GRK5: variants seen among roughly 807,000 people sequenced by gnomAD.
GRK5 encodes g protein-coupled receptor kinase GRK5.
In GRK5, 40 loss-of-function variants were observed where a neutral mutation model predicts 78.4. The ratio of observed to expected loss-of-function variants is 0.51; its 90% CI spans 0.40 to 0.66. The LOEUF (loss-of-function observed/expected upper bound fraction) is 0.66. Ranked by LOEUF, GRK5 falls within the 30% of genes least tolerant of loss-of-function variation. The pLI, the probability that GRK5 is intolerant of heterozygous loss-of-function variation, is 0.00. For missense variants in GRK5, 598 were observed against 759.9 expected, an observed-to-expected ratio of 0.79 and a Z score of 2.50; for synonymous variants, 289 against 296.8, an observed-to-expected ratio of 0.97 and a Z score of 0.27.
At chr10:119,366,052 G>A (rs1851444042) in intron 2 of GRK5, among the ~76,000 whole-genome samples, 1 of 152,220 alleles carries the variant, frequency 6.6e-6, no homozygotes, top group Non-Finnish European at 1.5e-5. Flanking sequence ...ACTGCTCCAA[G>A]TCGGGTCCAC....
intron 1 of GRK5, among the ~76,000 whole-genome samples, chr10:119,305,325 C>T (rs1330886720): frequency 6.6e-6 from 1 of 152,168 alleles, no homozygotes; most frequent in East Asian, 1.9e-4. Flanking sequence ...ATGGGCTCAA[C>T]ATGACCTGCT....
chr10:119,319,674 G>A (rs1270150311), intron 1 of GRK5, among the ~76,000 whole-genome samples: 2 of 152,240 alleles, frequency 1.3e-5, no homozygotes, highest in African/African-American at 2.4e-5. Flanking sequence ...AAATAAAGCC[G>A]GAGGCTCCTC....
rs893890949 is a variant in GRK5 at position 119,382,269 on chromosome 10, G to T, written c.261+1342G>T. On this transcript the variant is annotated intron_variant, in intron 3 of 15. Transcript: ENST00000392870. ...CTTGGGCTTCGGGCAGGCTCTTGGC[G>T]CCTCTTGTGTGAGTGATTACAGTAG... is the stretch of plus-strand genomic sequence containing the variant. 3.9e-5 allele frequency among the ~76,000 whole-genome samples: 4 copies of T among 103,632 alleles called. No individual in the cohort carries two copies. In the Admixed American group the frequency reaches 4.1e-4, roughly 11 times the overall value. The allele number at this position is 103,632 out of a possible 152,430, so 68.0% of individuals were successfully genotyped here. A position where few individuals can be genotyped will look rare whatever the true frequency, so the allele number is the denominator to read the frequency against.
intron 3 of GRK5, among the ~76,000 whole-genome samples, chr10:119,390,189 C>T (rs962464748): frequency 6.6e-6 from 1 of 152,112 alleles, no homozygotes; most frequent in Non-Finnish European, 1.5e-5. Flanking sequence ...AGCAGGATGG[C>T]ACAGCCCGTC....
intron 1 of GRK5, among the ~76,000 whole-genome samples, chr10:119,295,800 G>C (rs370850457): frequency 8.4e-4 from 128 of 152,168 alleles, no homozygotes; most frequent in African/African-American, 3.0e-3. Context: ...TCAGGGACTT[G>C]TGGGGAAGGG....
intron 4 of GRK5, among the ~76,000 whole-genome samples, chr10:119,403,130 A>G (rs1001043298): frequency 6.6e-6 from 1 of 152,140 alleles, no homozygotes; most frequent in African/African-American, 2.4e-5. Context: ...GACATTTCAT[A>G]TAAATGGAAT....
At chr10:119,432,504 A>G (rs1473482439) in intron 8 of GRK5, among the ~76,000 whole-genome samples, 2 of 152,220 alleles carry the variant, frequency 1.3e-5, no homozygotes, top group Non-Finnish European at 2.9e-5. Flanking sequence ...AAAAATTTAA[A>G]CAGCACAGAA....
At chr10:119,315,409 T>C (rs1403342271) in intron 1 of GRK5, among the ~76,000 whole-genome samples, 3 of 152,178 alleles carry the variant, frequency 2.0e-5, no homozygotes, top group Admixed American at 1.3e-4. Context: ...CAGTTTCAGC[T>C]GGAGGTGCCT....
chr10:119,257,183 G>T (rs778172429), intron 1 of GRK5, among the ~76,000 whole-genome samples: 10 of 152,166 alleles, frequency 6.6e-5, no homozygotes, highest in African/African-American at 2.4e-4. Flanking sequence ...GCTGTCCCTT[G>T]AGTTCTTTGG....
chr10:119,421,264 G>C (rs963984004), intron 4 of GRK5, among the ~76,000 whole-genome samples: 2 of 152,202 alleles, frequency 1.3e-5, no homozygotes, highest in African/African-American at 4.8e-5. Context: ...CTAATATTCA[G>C]TTGCTCTGAA....
intron 13 of GRK5, among the ~76,000 whole-genome samples, chr10:119,449,721 A>G (rs982514301): frequency 6.6e-6 from 1 of 152,196 alleles, no homozygotes; most frequent in Non-Finnish European, 1.5e-5. Flanking sequence ...CCCAGGAGGC[A>G]GAGGTTGCAG....
intron 2 of GRK5, 81 bp downstream of exon 2, chr10:119,326,692 G>A: frequency 1.9e-6 from 2 of 1,045,518 alleles, no homozygotes; most frequent in Non-Finnish European, 3.0e-6. Context: ...AGGCAAATGG[G>A]TGAGCCGCCA....
chr10:119,443,870 G>T, intron 12 of GRK5, 118 bp downstream of exon 12: 1 of 881,174 alleles, frequency 1.1e-6, no homozygotes, highest in Non-Finnish European at 1.7e-6. Context: ...GAGCATGGGG[G>T]TGGGGGTTGC....
chr10:119,383,590 C>A (rs1040380961), intron 3 of GRK5, among the ~76,000 whole-genome samples: 4 of 152,210 alleles, frequency 2.6e-5, no homozygotes, highest in Non-Finnish European at 5.9e-5. Flanking sequence ...TGGTTCACTA[C>A]CATCCTCCAG....
At chr10:119,436,549 C>T (rs1852923265) in intron 8 of GRK5, 102 bp from the exon 9 acceptor site, 1 of 1,162,614 alleles carries the variant, frequency 8.6e-7, no homozygotes, top group Non-Finnish European at 1.3e-6. Flanking sequence ...GGGTGAGGCT[C>T]CTCTGTTCCC....
chr10:119,317,499 C>CCCCTCAAGG (rs1850511494), intron 1 of GRK5, among the ~76,000 whole-genome samples: 1 of 152,054 alleles, frequency 6.6e-6, no homozygotes, highest in Non-Finnish European at 1.5e-5. Context: ...TTGGCCCGGA[C>CCCCTCAAGG]CCCTCAAGGC....
In GRK5 at chr10:119,424,861, G is replaced by A. The variant is rs538815472; in HGVS notation, c.441-132G>A. 3 of 682,210 alleles carry A rather than the reference G, an allele frequency of 4.4e-6. No individual in the cohort carries two copies. In the East Asian group the frequency reaches 8.1e-5, roughly 18 times the overall value. 42.3% of individuals were successfully genotyped at this position (682,210 alleles called of 1,614,324 possible). ...CCCTCAGTAGAATGGCAGGACCTCTGGCCAGACGTGCTGCATCTGCATGGG... is the reference window on the plus strand; with the variant it reads ...CCCTCAGTAGAATGGCAGGACCTCTAGCCAGACGTGCTGCATCTGCATGGG... On this transcript the variant is annotated intron_variant, in intron 5 of 15. Coordinates refer to ENST00000392870, the MANE Select transcript of GRK5 (RefSeq NM_005308.3).
intron 4 of GRK5, among the ~76,000 whole-genome samples, chr10:119,402,335 G>A (rs1852164865): frequency 1.3e-5 from 2 of 152,084 alleles, no homozygotes; most frequent in South Asian, 4.1e-4. Context: ...GCTGGCCAGC[G>A]GGCCACAGTT....
In GRK5 at chr10:119,458,508, C is replaced by T. The variant is rs992869575; in HGVS notation, c.*3441C>T. 6.6e-6 allele frequency: 1 copy of T among 151,842 alleles called. No individual in the cohort carries two copies. The highest frequency in any genetic ancestry group is 1.5e-5 in the Non-Finnish European group (1 of 67,968). 9.4% of individuals were successfully genotyped at this position (151,842 alleles called of 1,614,324 possible). On this transcript the variant is annotated 3_prime_UTR_variant, in exon 16 of 16. Coordinates refer to ENST00000392870, the MANE Select transcript of GRK5 (RefSeq NM_005308.3). ...GGGAGGCTTCCTGAAAGGCATTGCTCGGAGGGGCGGGGGCGGGGAGGCCTA... is the reference window on the plus strand; with the variant it reads ...GGGAGGCTTCCTGAAAGGCATTGCTTGGAGGGGCGGGGGCGGGGAGGCCTA...
Sources: allele counts gnomAD v4.1 joint callset (sites outside exome capture counted in the v4.1 genomes callset), GRCh38; gene constraint gnomAD v4.1.1; transcripts MANE v1.5; gene names NCBI Gene and HGNC (gene_info 2026-07-23, HGNC 2026-07-21).